Variants in MALAT1 observed in about 807,000 individuals in gnomAD.
MALAT1 encodes the protein metastasis associated lung adenocarcinoma transcript 1.
exon 3 of MALAT1, chr11:65,500,220 G>T: frequency 1.9e-6 from 1 of 516,378 alleles, no homozygotes; most frequent in Non-Finnish European, 3.9e-6. Context: ...TTTTGGAAGA[G>T]TTAGAAGAAT....
exon 3 of MALAT1, chr11:65,503,613 T>C (rs372789096): frequency 5.9e-6 from 3 of 508,420 alleles, no homozygotes; most frequent in East Asian, 5.5e-5. Flanking sequence ...TAATAAACTA[T>C]TTTTATTAGA....
exon 3 of MALAT1, chr11:65,499,010 C>G (rs376520805): frequency 1.5e-5 from 8 of 518,856 alleles, no homozygotes; most frequent in East Asian, 5.4e-5. Context: ...GAGTTGTTCT[C>G]CGTCTATAAA....
exon 3 of MALAT1, chr11:65,502,295 T>A: frequency 1.9e-6 from 1 of 517,186 alleles, no homozygotes; most frequent in Admixed American, 2.0e-5. Flanking sequence ...TTCAGGTGAT[T>A]TAATAATAAT....
exon 1 of MALAT1, chr11:65,497,812 C>G (rs542545614): frequency 2.0e-6 from 1 of 509,530 alleles, no homozygotes; most frequent in Non-Finnish European, 3.9e-6. Context: ...TTAAGCGCAG[C>G]GCCATTTTAG....
chr11:65,505,155 T>C (rs1272071964), intron 3 of MALAT1: 2 of 518,746 alleles, frequency 3.9e-6, no homozygotes, highest in African/African-American at 3.9e-5. Context: ...AGGGGTGAGG[T>C]GGGCGCTAAG....
chr11:65,503,801 C>G (rs2134989811), exon 3 of MALAT1: 1 of 515,522 alleles, frequency 1.9e-6, no homozygotes, highest in South Asian at 1.4e-5. Context: ...AACTTTAAGG[C>G]AGGAAAGACA....
chr11:65,503,471 A>C (rs779207588), exon 3 of MALAT1: 1 of 517,550 alleles, frequency 1.9e-6, no homozygotes, highest in Admixed American at 1.9e-5. Context: ...CAACTAAGGA[A>C]ATTTGTTTAG....
At chr11:65,499,674 C>A (rs1294501331) in exon 3 of MALAT1, 1 of 434,010 alleles carries the variant, frequency 2.3e-6, no homozygotes, top group Non-Finnish European at 4.5e-6. Flanking sequence ...AACTGGAAGA[C>A]AGAAGTACGG....
chr11:65,499,259 G>A (rs772978767), exon 3 of MALAT1: 1 of 513,476 alleles, frequency 1.9e-6, no homozygotes. Context: ...ACTTAGAAGA[G>A]TAGCATGAGG....
At chr11:65,500,554 TGAAGGAAGCTAGGAA>T (rs754836781) in exon 3 of MALAT1, 4 of 518,512 alleles carry the variant, frequency 7.7e-6, no homozygotes, top group Admixed American at 3.9e-5. Context: ...TGCGATTTGG[TGAAGGAAGCTAGGAA>T]GAAGGAAGGA....
chr11:65,498,391 G>GC (rs753543503), intron 1 of MALAT1: 12 of 518,378 alleles, frequency 2.3e-5, no homozygotes, highest in African/African-American at 1.7e-4. Context: ...GCAGCCAACG[G>GC]CCCCCGGGGC....
exon 3 of MALAT1, chr11:65,499,058 G>C (rs778841466): frequency 1.9e-6 from 1 of 518,046 alleles, no homozygotes; most frequent in South Asian, 1.4e-5. Context: ...CATTGAGGCA[G>C]CCAGCGCAGG....
rs1365241393 is a variant in MALAT1 at position 65,502,370 on chromosome 11, T to C, written n.3633T>C. On this transcript the variant is annotated non_coding_transcript_exon_variant, in exon 3 of 4. Transcript: ENST00000619449. ...TTAATGATCCTGAAGGGATTTCTTC[T>C]GATGGTAGCTTTTGTATTATCAAGT... 5.9e-6 allele frequency: 3 copies of C among 510,238 alleles called. No homozygotes were observed. The Admixed American group carries it at 6.1e-5, about 10-fold the overall frequency. 31.6% of individuals were successfully genotyped at this position (510,238 alleles called of 1,614,324 possible). A position where few individuals can be genotyped will look rare whatever the true frequency, so the allele number is the denominator to read the frequency against.
exon 3 of MALAT1, chr11:65,501,589 A>G (rs147652295): frequency 9.6e-4 from 497 of 518,802 alleles, no homozygotes; most frequent in African/African-American, 8.7e-3. Flanking sequence ...AAGATTTTCC[A>G]CAGATGCTAT....
chr11:65,501,175 G>C (rs770172797), exon 3 of MALAT1: 2 of 506,640 alleles, frequency 3.9e-6, no homozygotes, highest in East Asian at 5.6e-5. Context: ...AATTCGTTTT[G>C]TAAATGTAGA....
At chr11:65,505,714 A>G (rs1186608142) in intron 3 of MALAT1, 1 of 519,066 alleles carries the variant, frequency 1.9e-6, no homozygotes, top group South Asian at 1.4e-5. Flanking sequence ...AGAAAAGGCC[A>G]TTAATTTGCC....
exon 3 of MALAT1, chr11:65,500,117 A>C (rs749827872): frequency 8.1e-5 from 39 of 482,760 alleles, no homozygotes; most frequent in African/African-American, 7.6e-4. Flanking sequence ...ATTTAGAAGA[A>C]TACTTGAAGC....
exon 3 of MALAT1, chr11:65,501,899 G>GGGT: frequency 1.9e-6 from 1 of 517,390 alleles, no homozygotes; most frequent in Non-Finnish European, 3.9e-6. Flanking sequence ...GGGATTGGTG[G>GGGT]GGTGGGTTTA....
chr11:65,506,245 T>G, intron 3 of MALAT1: 1 of 458,544 alleles, frequency 2.2e-6, no homozygotes, highest in Non-Finnish European at 4.2e-6. Flanking sequence ...TGCTAGTTCT[T>G]GGAGTTTTGG....
Sources: allele counts gnomAD v4.1 joint callset, GRCh38; gene constraint gnomAD v4.1.1; transcripts MANE v1.5; gene names NCBI Gene and HGNC (gene_info 2026-07-23, HGNC 2026-07-21).